Variants in KCNK2 observed in about 807,000 individuals in gnomAD.
The protein encoded by KCNK2 is potassium channel subfamily K member 2.
KCNK2 carries 21 observed loss-of-function variants against 40.5 expected under a neutral mutation model. The ratio of observed to expected loss-of-function variants is 0.52; its 90% confidence interval spans 0.37 to 0.75. The LOEUF is 0.75. KCNK2 is among the 30% of genes least tolerant of loss of function. The probability of loss-of-function intolerance (pLI) is 0.00; values close to 1 mark genes in which losing one functional copy is unlikely to be tolerated. For synonymous variants in KCNK2, 191 were observed against 202.2 expected, an observed-to-expected ratio of 0.94 and a Z score of 0.47; for missense variants, 399 against 531.6, an observed-to-expected ratio of 0.75 and a Z score of 2.45.
At chr1:215,011,571 C>T (rs893064510) in intron 1 of KCNK2, among the ~76,000 whole-genome samples, 10 of 152,088 alleles carry the variant, frequency 6.6e-5, no homozygotes, top group South Asian at 4.2e-4. Flanking sequence ...GGATTACAGG[C>T]GTGAGTCACC....
chr1:215,068,912 A>G (rs1483209267), intron 1 of KCNK2, among the ~76,000 whole-genome samples: 5 of 152,228 alleles, frequency 3.3e-5, no homozygotes, highest in Non-Finnish European at 5.9e-5. Context: ...TTTTACTTTA[A>G]CTGAAATCCT....
At chr1:215,104,662 G>T (rs1558092943) in intron 2 of KCNK2, among the ~76,000 whole-genome samples, 1 of 152,020 alleles carries the variant, frequency 6.6e-6, no homozygotes, top group Non-Finnish European at 1.5e-5. Flanking sequence ...CCCAAGTGAG[G>T]TTATAAATGG....
intron 3 of KCNK2, among the ~76,000 whole-genome samples, chr1:215,167,274 A>G (rs1663488004): frequency 2.0e-5 from 3 of 152,052 alleles, no homozygotes; most frequent in African/African-American, 7.2e-5. Flanking sequence ...AGTAAAAATC[A>G]CACGGCCCAT....
At chr1:215,055,696 A>G (rs2102502976) in intron 1 of KCNK2, among the ~76,000 whole-genome samples, 1 of 152,268 alleles carries the variant, frequency 6.6e-6, no homozygotes, top group South Asian at 2.1e-4. Flanking sequence ...GGCAGTTCAA[A>G]CGCTTTGCTT....
intron 1 of KCNK2, among the ~76,000 whole-genome samples, chr1:215,028,886 ATAATT>A (rs557669528): frequency 1.3e-5 from 2 of 152,162 alleles, no homozygotes; most frequent in African/African-American, 2.4e-5. Context: ...TATAAATTGA[ATAATT>A]TAATAATTCA....
chr1:215,022,367 C>T (rs770221848), intron 1 of KCNK2, among the ~76,000 whole-genome samples: 3 of 152,082 alleles, frequency 2.0e-5, no homozygotes, highest in Non-Finnish European at 4.4e-5. Flanking sequence ...TTGTTGAGTC[C>T]TCCACAGGTT....
rs1666619163 is a variant in KCNK2, at chr1:215,230,588, T to TATATATATATATATATACAAGACCGTA, written c.964-4223_964-4222insCAAGACCGTAATATATATATATATATA. On this transcript the variant is annotated intron_variant, in intron 6 of 6. Transcript: ENST00000444842. ...TATATATATATATACAAGACCGTAATATATATATATATATATATAGCCGTA... is the reference window on the plus strand; with the variant it reads ...TATATATATATATACAAGACCGTAATATATATATATATATATACAAGACCGTAATATATATATATATATATAGCCGTA... Among the ~76,000 whole-genome samples, 13 of 1,412 alleles carry TATATATATATATATATACAAGACCGTA rather than the reference T, an allele frequency of 9.2e-3. 2 individuals carry two copies. The Admixed American group carries it at 0.24, about 26-fold the overall frequency. The allele number at this position is 1,412 out of a possible 152,430, so 0.9% of individuals were successfully genotyped here.
At chr1:215,197,258 T>G (rs1380364188) in intron 6 of KCNK2, among the ~76,000 whole-genome samples, 1 of 152,238 alleles carries the variant, frequency 6.6e-6, no homozygotes, top group Non-Finnish European at 1.5e-5. Context: ...GTAATGAGTC[T>G]GCTCTAGCTG....
intron 5 of KCNK2, among the ~76,000 whole-genome samples, chr1:215,173,565 A>C (rs1663818049): frequency 6.6e-6 from 1 of 152,170 alleles, no homozygotes; most frequent in African/African-American, 2.4e-5. Flanking sequence ...ACAATGGTTG[A>C]ACTAGTTTAC....
rs556763396 is a variant in KCNK2 at position 215,094,711 on chromosome 1, T to C, written c.357+8033T>C. On this transcript the variant is annotated intron_variant, in intron 2 of 6. Coordinates refer to ENST00000444842, the MANE Select transcript of KCNK2 (RefSeq NM_001017425.3). ...TTTATTATAAAACATGAAAGTAGTC[T>C]GTCAGAAAATTTTATCTTTGAAGAA... Among the ~76,000 whole-genome samples the C allele has an allele frequency of 2.0e-5, 3 of 152,216 alleles. No homozygotes were observed. The East Asian group carries it at 5.8e-4, about 29-fold the overall frequency.
upstream of KCNK2, chr1:215,005,684 A>G: frequency 2.2e-6 from 1 of 445,064 alleles, no homozygotes; most frequent in Non-Finnish European, 4.0e-6. Context: ...CCAGACTGTA[A>G]AAACAGAGGA....
At chr1:215,168,670 A>G (rs1341331956) in intron 3 of KCNK2, among the ~76,000 whole-genome samples, 2 of 152,162 alleles carry the variant, frequency 1.3e-5, no homozygotes, top group Non-Finnish European at 2.9e-5. Flanking sequence ...ACATGGACAC[A>G]GGGAGGGGAA....
intron 2 of KCNK2, among the ~76,000 whole-genome samples, chr1:215,120,241 A>G (rs1021569368): frequency 1.3e-5 from 2 of 152,152 alleles, no homozygotes; most frequent in Non-Finnish European, 2.9e-5. Context: ...GATGAGAAAA[A>G]GAATAAGCTA....
intron 1 of KCNK2, among the ~76,000 whole-genome samples, chr1:215,053,263 A>G (rs1658050256): frequency 6.6e-6 from 1 of 152,118 alleles, no homozygotes; most frequent in South Asian, 2.1e-4. Context: ...TTCTTATCCC[A>G]GGAAATTCTG....
chr1:215,007,874 C>A (rs1023544895), intron 1 of KCNK2, among the ~76,000 whole-genome samples: 2 of 151,888 alleles, frequency 1.3e-5, no homozygotes, highest in Non-Finnish European at 2.9e-5. Context: ...TTAAATTATC[C>A]CATCAACAGT....
At chr1:215,120,814 A>G (rs1007121666) in intron 2 of KCNK2, among the ~76,000 whole-genome samples, 2 of 152,180 alleles carry the variant, frequency 1.3e-5, no homozygotes, top group African/African-American at 4.8e-5. Context: ...ACCATTTTAT[A>G]TTTCTTCACT....
intron 2 of KCNK2, among the ~76,000 whole-genome samples, chr1:215,093,839 A>T (rs1479303041): frequency 3.5e-5 from 2 of 57,354 alleles, no homozygotes; most frequent in Non-Finnish European, 7.1e-5. Flanking sequence ...TATAAAATAT[A>T]TTATATATTA....
intron 5 of KCNK2, among the ~76,000 whole-genome samples, chr1:215,174,762 G>GCTCT (rs1308841703): frequency 1.3e-5 from 2 of 151,620 alleles, no homozygotes; most frequent in Admixed American, 6.6e-5. Flanking sequence ...TCATGATTTG[G>GCTCT]ATGTTTGTCT....
intron 1 of KCNK2, among the ~76,000 whole-genome samples, chr1:215,059,309 C>T (rs534847494): frequency 9.9e-5 from 15 of 152,046 alleles, no homozygotes; most frequent in South Asian, 2.1e-4. Flanking sequence ...CTTTAGTGAA[C>T]GCTGCTGAAT....
Sources: gnomAD v4.1 joint callset for allele counts (sites outside exome capture counted in the v4.1 genomes callset) on GRCh38, gnomAD v4.1.1 for gene constraint, MANE v1.5 for transcripts, NCBI Gene and HGNC (gene_info 2026-07-23, HGNC 2026-07-21) for gene names.